Variants in ATM observed in about 807,000 individuals in gnomAD.
ATM encodes serine-protein kinase ATM.
Under a neutral mutation model 387.0 loss-of-function variants are expected in ATM, and 308 were observed. The ratio of observed to expected loss-of-function variants is 0.80; its 90% CI spans 0.73 to 0.87. ATM has a LOEUF of 0.87. ATM is among the 40% of genes least tolerant of loss of function. The pLI is 0.00. For synonymous variants in ATM, 1,156 were observed against 1,187.3 expected (o/e 0.97, Z 0.54); for missense variants, 3,312 against 3,560.9 (o/e 0.93, Z 1.78).
At position 108,353,838 on chromosome 11, in the gene ATM, T is replaced by C. The variant is rs2089511171; in HGVS notation, c.8744T>C (p.Val2915Ala). 1 of 1,613,958 alleles carries C rather than the reference T, an allele frequency of 6.2e-7. No individual in the cohort carries two copies. The highest frequency in any genetic ancestry group is 1.3e-5 in the African/African-American group (1 of 74,896). Residue 2915 changes from valine (V) to alanine (A), a missense_variant, in exon 60 of 63, where the codon GTG becomes GCG. This residue lies in a region of ATM where 1,405 missense variants were observed against 1,604.4 expected (regional missense o/e 0.88). Coordinates refer to ENST00000675843, the MANE Select transcript of ATM (RefSeq NM_000051.4). ...CCTTTTAGACTCACCAGAGATATTG[T>C]GGATGGCATGGGCATTACGGGTGTT... ...TVPFRLTRDI[V>A]DGMGITGVEG...
intron 33 of ATM, among the ~76,000 whole-genome samples, chr11:108,298,792 A>T (rs542153740): frequency 3.3e-5 from 5 of 152,364 alleles, no homozygotes; most frequent in African/African-American, 1.2e-4. Context: ...GGAAAATCCC[A>T]GAGAATCCAC....
chr11:108,322,603 T>C (rs745367072), intron 45 of ATM, among the ~76,000 whole-genome samples: 9 of 152,362 alleles, frequency 5.9e-5, no homozygotes, highest in Non-Finnish European at 1.2e-4. Flanking sequence ...GAAGATGAAA[T>C]AGTATAGTTA....
chr11:108,335,117 T>C lies in ATM; in HGVS notation c.8151+8T>C, dbSNP rs768069197. 5 of 1,613,852 alleles carry C rather than the reference T, an allele frequency of 3.1e-6. No individual in the cohort carries two copies. The African/African-American group carries it at 6.7e-5, about 22-fold the overall frequency. On this transcript the variant is annotated splice_region_variant and intron_variant, in intron 55 of 62. Coordinates refer to ENST00000675843, the MANE Select transcript of ATM (RefSeq NM_000051.4). ...AGGAGACAGCTTGTTAAGGTGAGCC[T>C]TCCCTTCTCTGGCTTAGCCCTTAGA...
Position 108,301,637 on chromosome 11 carries a change from G to A in ATM, c.5178-11G>A, listed in dbSNP as rs200876654. 1.4e-5 allele frequency: 22 copies of A among 1,612,970 alleles called. No homozygotes were observed. In the Middle Eastern group the frequency reaches 6.6e-4, roughly 48 times the overall value. Reference sequence around the variant, plus strand: ...GGTGTACTTGATAGGCATTTGAATTGTTTTTTTCAGTGTCAAAGTTCGATC... The same window carrying A: ...GGTGTACTTGATAGGCATTTGAATTATTTTTTTCAGTGTCAAAGTTCGATC... On this transcript the variant is annotated splice_polypyrimidine_tract_variant and intron_variant, in intron 34 of 62. Transcript: ENST00000675843.
Position 108,325,483 on chromosome 11 carries a change from A to G in ATM, c.6746A>G (p.Asp2249Gly), listed in dbSNP as rs1277367898. The G allele has an allele frequency of 6.2e-7, 1 of 1,613,672 alleles. No homozygotes were observed. ...AACTCACAAAGAGAATGTATTAAGG[A>G]CATTCTCACCAAACACCTTGTAGAA... ...MDNSQRECIK[D>G]ILTKHLVELS... The change falls in exon 46 of 63, where the codon GAC becomes GGC. Residue 2249 changes from aspartate to glycine, a missense_variant. Around this residue, in one of 4 missense-constraint regions of ATM, gnomAD observed 1,405 missense variants for 1,604.4 expected, o/e 0.88. Transcript: ENST00000675843.
rs1339794219 is a variant in ATM, at chr11:108,326,081, A to C, written c.6831A>C (p.Gln2277His). 1 of 1,614,008 alleles carries C rather than the reference A, an allele frequency of 6.2e-7. No individual in the cohort carries two copies. The highest frequency in any genetic ancestry group is 1.3e-5 in the African/African-American group (1 of 74,926). Residue 2277 changes from glutamine to histidine, a missense_variant, in exon 47 of 63, where the codon CAA (glutamine) becomes CAC (histidine). Gln to His is a conservative substitution (Grantham distance 24). Transcript: ENST00000675843. ...NTQLPERAIF[Q>H]IKQYNSVSCG... is the part of the protein sequence containing the mutation. ...AGCTCCCTGAAAGGGCAATATTTCA[A>C]ATTAAACAGTACAATTCAGTTAGCT...
chr11:108,284,578 A>C lies in ATM; in HGVS notation c.3993+105A>C, dbSNP rs1409044268. 4 of 1,488,080 alleles carry C rather than the reference A, an allele frequency of 2.7e-6. No homozygotes were observed. In the East Asian group the frequency reaches 9.4e-5, roughly 35 times the overall value. The allele number at this position is 1,488,080 out of a possible 1,614,324, so 92.2% of individuals were successfully genotyped here. On this transcript the variant is annotated intron_variant, in intron 26 of 62. Transcript: ENST00000675843. Reference sequence around the variant, plus strand: ...GATTTATTCGTATTTATATATTGAAACTTAGCTTGTGGTAATCATTATCTA... The same window carrying C: ...GATTTATTCGTATTTATATATTGAACCTTAGCTTGTGGTAATCATTATCTA...
At chr11:108,284,157 A>G in intron 25 of ATM, 70 bp from the exon 26 acceptor site, 2 of 1,244,042 alleles carry the variant, frequency 1.6e-6, no homozygotes, top group African/African-American at 1.5e-5. Flanking sequence ...ACAGTTTTTA[A>G]GAACTATTTT....
chr11:108,301,525 G>C, intron 34 of ATM, 123 bp from the exon 35 acceptor site: 1 of 1,203,676 alleles, frequency 8.3e-7, no homozygotes, highest in South Asian at 1.3e-5. Context: ...GGAGAATTTT[G>C]TAAATGTAAA....
intron 17 of ATM, among the ~76,000 whole-genome samples, chr11:108,267,630 G>A (rs546578505): frequency 7.0e-4 from 106 of 152,216 alleles, no homozygotes; most frequent in Non-Finnish European, 1.3e-3. Flanking sequence ...AGGCCAAGGC[G>A]GGCTGATCAT....
At chr11:108,334,154 CT>C (rs2086581181) in intron 54 of ATM, among the ~76,000 whole-genome samples, 186 bp downstream of exon 54, 1 of 151,732 alleles carries the variant, frequency 6.6e-6, no homozygotes, top group African/African-American at 2.4e-5. Flanking sequence ...AAAGCTTCTC[CT>C]GCTTTCTTTT....
intron 61 of ATM, among the ~76,000 whole-genome samples, chr11:108,358,093 T>C (rs1251035048): frequency 1.3e-5 from 2 of 150,048 alleles, no homozygotes; most frequent in Non-Finnish European, 3.0e-5. Context: ...TACAGAGAAG[T>C]GCTTAAAGGA....
At chr11:108,351,286 T>G (rs1241051876) in intron 59 of ATM, among the ~76,000 whole-genome samples, 1 of 152,192 alleles carries the variant, frequency 6.6e-6, no homozygotes, top group Non-Finnish European at 1.5e-5. Context: ...AAAGGGGGCC[T>G]CTGGAATGCT....
rs2135124363 is a variant in ATM at position 108,235,774 on chromosome 11, C to T, written c.436C>T (p.Leu146Phe). The T allele has an allele frequency of 1.9e-6, 3 of 1,613,792 alleles. No individual in the cohort carries two copies. Among genetic ancestry groups the T allele is most frequent in the Non-Finnish European group, 2.5e-6 (3 of 1,179,810 alleles). Residue 146 changes from leucine (L) to phenylalanine (F), a missense_variant, in exon 5 of 63, where the codon CTC becomes TTC. Physicochemically the swap from Leu to Phe is conservative, Grantham distance 22. Around this residue, in one of 4 missense-constraint regions of ATM, gnomAD observed 1,791 missense variants for 1,804.5 expected, o/e 0.99. Coordinates refer to ENST00000675843, the MANE Select transcript of ATM (RefSeq NM_000051.4). ...IYGADCSNIL[L>F]KDILSVRKYW... ...CGGAGCTGATTGTAGCAACATACTA[C>T]TCAAAGACATTCTTTCTGTGAGAAA...
At chr11:108,232,915 T>A (rs1470038141) in intron 4 of ATM, among the ~76,000 whole-genome samples, 1 of 151,650 alleles carries the variant, frequency 6.6e-6, no homozygotes, top group East Asian at 1.9e-4. Flanking sequence ...CAGGCTAGAG[T>A]GCAATGGCGC....
chr11:108,241,182 G>A (rs2079536064), intron 5 of ATM, among the ~76,000 whole-genome samples: 1 of 152,154 alleles, frequency 6.6e-6, no homozygotes, highest in Non-Finnish European at 1.5e-5. Flanking sequence ...GAGATCTTCA[G>A]GGACATGCAC....
chr11:108,296,822 A>C (rs1474068925), intron 32 of ATM, among the ~76,000 whole-genome samples: 1 of 152,234 alleles, frequency 6.6e-6, no homozygotes, highest in Non-Finnish European at 1.5e-5. Flanking sequence ...TACTGAACAC[A>C]TATCAAGTTC....
At chr11:108,273,758 G>A (rs1021190268) in intron 22 of ATM, among the ~76,000 whole-genome samples, 2 of 152,070 alleles carry the variant, frequency 1.3e-5, no homozygotes, top group Non-Finnish European at 2.9e-5. Context: ...GCGTTTTGAT[G>A]TGCTGGATTC....
At chr11:108,262,557 A>G (rs1342376744) in intron 16 of ATM, among the ~76,000 whole-genome samples, 1 of 152,268 alleles carries the variant, frequency 6.6e-6, no homozygotes, top group African/African-American at 2.4e-5. Flanking sequence ...CATTGAGACT[A>G]GGAAGAAACT....
Sources: gnomAD v4.1 joint callset for allele counts (sites outside exome capture counted in the v4.1 genomes callset) on GRCh38, gnomAD v4.1.1 for gene constraint, gnomAD v4.1.1 regional missense constraint, MANE v1.5 for transcripts, NCBI Gene and HGNC (gene_info 2026-07-23, HGNC 2026-07-21) for gene names.